The following TRAPPC9 variants were observed in gnomAD, a reference collection of about 807,000 sequenced individuals.
TRAPPC9 encodes the protein IKK2 binding protein.
Under a neutral mutation model 124.0 loss-of-function variants are expected in TRAPPC9, and 83 were observed. The ratio of observed to expected loss-of-function variants is 0.67; its 90% CI spans 0.56 to 0.80. The LOEUF (loss-of-function observed/expected upper bound fraction) is 0.80. Among genes scored for constraint, TRAPPC9 ranks in the 30% least tolerant of loss-of-function variants. The pLI is 0.00. For missense variants in TRAPPC9, 1,302 were observed against 1,508.3 expected (o/e 0.86, Z 2.27); for synonymous variants, 638 against 617.5 (o/e 1.03, Z -0.49).
In TRAPPC9 at chr8:139,728,472, G is replaced by GC. The variant is rs1388181317; in HGVS notation, c.*2588dup. On this transcript the variant is annotated 3_prime_UTR_variant, in exon 23 of 23. Transcript: ENST00000438773. Reference sequence around the variant, plus strand: ...CCAGTAGCGTGGGGCCCTGGAAGAGGCTGGAGGATACTGCGCTGTCACTGA... The same window carrying GC: ...CCAGTAGCGTGGGGCCCTGGAAGAGGCCTGGAGGATACTGCGCTGTCACTGA... Among the ~76,000 whole-genome samples, 1 of 152,182 alleles carries GC rather than the reference G, an allele frequency of 6.6e-6. No individual in the cohort carries two copies. Among genetic ancestry groups the GC allele is most frequent in the African/African-American group, 2.4e-5 (1 of 41,434 alleles).
intron 21 of TRAPPC9, among the ~76,000 whole-genome samples, chr8:139,752,142 G>C (rs537111528): frequency 1.5e-5 from 2 of 136,848 alleles, no homozygotes; most frequent in Non-Finnish European, 3.1e-5. Flanking sequence ...TCTATATATC[G>C]ATCCATCTAT....
At chr8:140,277,329 A>G (rs35303095) in intron 14 of TRAPPC9, among the ~76,000 whole-genome samples, 29,564 of 152,180 alleles carry the variant, frequency 0.19, 3,281 homozygotes, top group Middle Eastern at 0.37. Flanking sequence ...GAATTTAAAT[A>G]TCTTTAACGA....
intron 17 of TRAPPC9, among the ~76,000 whole-genome samples, chr8:140,168,879 G>A (rs1462756114): frequency 6.6e-6 from 1 of 152,204 alleles, no homozygotes; most frequent in Admixed American, 6.5e-5. Context: ...TTCACTAGAG[G>A]GTAAGTTCTA....
intron 15 of TRAPPC9, among the ~76,000 whole-genome samples, chr8:140,269,018 G>A (rs1412906597): frequency 6.6e-6 from 1 of 152,162 alleles, no homozygotes; most frequent in African/African-American, 2.4e-5. Context: ...GAAGGAACAT[G>A]TGGGAATTTT....
At chr8:140,195,100 C>A (rs1375953214) in intron 17 of TRAPPC9, among the ~76,000 whole-genome samples, 9 of 151,976 alleles carry the variant, frequency 5.9e-5, no homozygotes, top group African/African-American at 1.7e-4. Context: ...CCATACAGAT[C>A]ATACCTGTGA....
intron 11 of TRAPPC9, among the ~76,000 whole-genome samples, chr8:140,293,859 G>A (rs1457034104): frequency 1.3e-5 from 2 of 151,746 alleles, no homozygotes; most frequent in Non-Finnish European, 2.9e-5. Context: ...AAAACTTAAA[G>A]TATAATAATA....
rs375934031 is a variant in TRAPPC9, at chr8:140,411,866, G to GA, written c.887-6169dup. On this transcript the variant is annotated intron_variant, in intron 5 of 22. Transcript: ENST00000438773. ...TGGATGGAAAGAAAGAAGGAGAAAA[G>GA]AAAAAAAAAGCTCCTGCTTATAGTA... Among the ~76,000 whole-genome samples, 89 of 149,906 alleles carry GA rather than the reference G, an allele frequency of 5.9e-4. No individual in the cohort carries two copies. The East Asian group carries it at 0.015, about 26-fold the overall frequency.
At chr8:140,242,470 CCAG>C (rs1483416451) in intron 16 of TRAPPC9, among the ~76,000 whole-genome samples, 4 of 152,122 alleles carry the variant, frequency 2.6e-5, no homozygotes. Context: ...CCGGCACTTC[CCAG>C]CAGATGATAA....
At chr8:140,389,351 AT>A (rs2068856126) in intron 7 of TRAPPC9, among the ~76,000 whole-genome samples, 2 of 152,220 alleles carry the variant, frequency 1.3e-5, no homozygotes, top group South Asian at 4.1e-4. Context: ...AATAAAGTAT[AT>A]TATACATTAC....
intron 9 of TRAPPC9, among the ~76,000 whole-genome samples, chr8:140,343,184 G>A (rs1225227570): frequency 6.6e-6 from 1 of 152,178 alleles, no homozygotes; most frequent in African/African-American, 2.4e-5. Context: ...CTCCTCATAA[G>A]TGAAAAGCCA....
intron 7 of TRAPPC9, among the ~76,000 whole-genome samples, chr8:140,377,679 TA>T (rs1487411607): frequency 6.6e-6 from 1 of 152,050 alleles, no homozygotes; most frequent in East Asian, 1.9e-4. Flanking sequence ...AAAAGCCAAT[TA>T]AACAAGACCA....
chr8:139,859,082 C>T (rs1274730864), intron 21 of TRAPPC9, among the ~76,000 whole-genome samples: 4 of 151,534 alleles, frequency 2.6e-5, no homozygotes, highest in South Asian at 4.2e-4. Context: ...CTAGGAGTGG[C>T]GTGGAGGCCA....
At chr8:140,381,732 A>G (rs1363824209) in intron 7 of TRAPPC9, among the ~76,000 whole-genome samples, 1 of 151,690 alleles carries the variant, frequency 6.6e-6, no homozygotes, top group Non-Finnish European at 1.5e-5. Context: ...CCATGAGGGA[A>G]ATGTAAATCA....
rs2067208165 is a variant in TRAPPC9 at position 140,341,966 on chromosome 8, A to G, written c.1495+18084T>C. On this transcript the variant is annotated intron_variant, in intron 9 of 22. Coordinates refer to ENST00000438773, the MANE Select transcript of TRAPPC9 (RefSeq NM_001160372.4). Reference sequence around the variant, plus strand: ...CACTATTTCAGCAGAAGATTGCTGCAGATAAACACCTGCTTTAGAAAGAAA... The same window carrying G: ...CACTATTTCAGCAGAAGATTGCTGCGGATAAACACCTGCTTTAGAAAGAAA... Among the ~76,000 whole-genome samples the G allele has an allele frequency of 3.9e-5, 6 of 152,408 alleles. No individual in the cohort carries two copies. In the South Asian group the frequency reaches 1.2e-3, roughly 32 times the overall value.
intron 9 of TRAPPC9, among the ~76,000 whole-genome samples, chr8:140,338,738 C>T (rs2067111809): frequency 6.7e-6 from 1 of 150,246 alleles, no homozygotes; most frequent in Non-Finnish European, 1.5e-5. Flanking sequence ...TCAGAGAAAA[C>T]CACCGCCACC....
Position 139,907,300 on chromosome 8 carries a change from G to A in TRAPPC9, c.2964+2847C>T, listed in dbSNP as rs28625044. 0.14 allele frequency among the ~76,000 whole-genome samples: 21,005 copies of A among 152,118 alleles called. 1,681 individuals are homozygous for A. The highest frequency in any genetic ancestry group is 0.2 in the African/African-American group (8,255 of 41,486). On this transcript the variant is annotated intron_variant, in intron 20 of 22. Coordinates refer to ENST00000438773, the MANE Select transcript of TRAPPC9 (RefSeq NM_001160372.4). This position sits in a 1 kb window ranked among gnomAD's most constrained non-coding sequence, Gnocchi z 4.7. ...CATCTATCCAGACCCATGCGCTACA[G>A]GTGGGCAACTGCTACAACTATGGAC...
intron 20 of TRAPPC9, among the ~76,000 whole-genome samples, chr8:139,905,296 A>C (rs546690317): frequency 1.3e-5 from 2 of 152,322 alleles, no homozygotes; most frequent in South Asian, 4.1e-4. Flanking sequence ...TGTGGGCAAG[A>C]AAGCCTAGGA....
intron 21 of TRAPPC9, among the ~76,000 whole-genome samples, chr8:139,878,424 G>A (rs930551918): frequency 2.6e-5 from 4 of 152,158 alleles, no homozygotes; most frequent in African/African-American, 9.7e-5. Context: ...CTTCTACCAT[G>A]AGAATATATT....
Position 140,292,442 on chromosome 8 carries a change from T to C in TRAPPC9, c.1769-1364A>G, listed in dbSNP as rs2065686842. ...GTGGCTAACAGGGCAGTGGAGGGCT[T>C]CTTCTCTAGCAGATAAGAACGTCTG... On this transcript the variant is annotated intron_variant, in intron 11 of 22. Transcript: ENST00000438773. Among the ~76,000 whole-genome samples the C allele has an allele frequency of 2.0e-5, 3 of 152,202 alleles. No individual in the cohort carries two copies. In the South Asian group the frequency reaches 6.2e-4, roughly 32 times the overall value.
Sources: allele counts gnomAD v4.1 joint callset (sites outside exome capture counted in the v4.1 genomes callset), GRCh38; gene constraint gnomAD v4.1.1; non-coding constraint Gnocchi (gnomAD v3.1); transcripts MANE v1.5; gene names NCBI Gene and HGNC (gene_info 2026-07-23, HGNC 2026-07-21).